The following SLC4A10 variants were observed in gnomAD, a reference collection of about 807,000 sequenced individuals.
SLC4A10 encodes solute carrier family 4 member 10.
Under a neutral mutation model 137.7 loss-of-function variants are expected in SLC4A10, and 42 were observed. The observed-to-expected ratio is 0.30, with a 90% CI of 0.24 to 0.39. SLC4A10 has a LOEUF of 0.39. Ranked by LOEUF, SLC4A10 falls within the 10% of genes least tolerant of loss-of-function variation. The pLI is 1.00. For synonymous variants in SLC4A10, 474 were observed against 464.1 expected (o/e 1.02, Z -0.27); for missense variants, 925 against 1,355.0 (o/e 0.68, Z 4.98).
At chr2:161,917,096 G>A (rs536133645) in intron 15 of SLC4A10, among the ~76,000 whole-genome samples, 3 of 152,010 alleles carry the variant, frequency 2.0e-5, no homozygotes, top group African/African-American at 4.8e-5. Flanking sequence ...CTAAAGTTTT[G>A]CCTTTCCTAG....
At chr2:161,656,345 A>T (rs1377117531) in intron 1 of SLC4A10, among the ~76,000 whole-genome samples, 8 of 152,234 alleles carry the variant, frequency 5.3e-5, no homozygotes, top group Admixed American at 5.2e-4. Context: ...AGCTGTTTCA[A>T]CATATTACTA....
chr2:161,746,519 G>A (rs1288452704), intron 1 of SLC4A10, among the ~76,000 whole-genome samples: 1 of 151,862 alleles, frequency 6.6e-6, no homozygotes, highest in Non-Finnish European at 1.5e-5. Flanking sequence ...GTGTTGAAAT[G>A]TCCTCTAGGA....
At chr2:161,964,062 A>G (rs1467690172) in intron 21 of SLC4A10, 73 bp from the exon 22 acceptor site, 3 of 1,365,654 alleles carry the variant, frequency 2.2e-6, no homozygotes, top group Middle Eastern at 1.8e-4. Flanking sequence ...TGTGGACCAT[A>G]TTAAACATCA....
chr2:161,965,900 C>A (rs1199890000), intron 23 of SLC4A10, among the ~76,000 whole-genome samples: 1 of 151,990 alleles, frequency 6.6e-6, no homozygotes, highest in Non-Finnish European at 1.5e-5. Context: ...GGAAAAATAA[C>A]TAGCGTAACA....
intron 1 of SLC4A10, among the ~76,000 whole-genome samples, chr2:161,645,216 G>A (rs553317378): frequency 9.3e-5 from 6 of 64,408 alleles, no homozygotes; most frequent in South Asian, 1.3e-3. Context: ...GAAGCAATTC[G>A]GGAATTTCCA....
At chr2:161,879,355 T>G (rs2061621151) in intron 9 of SLC4A10, 67 bp downstream of exon 9, 1 of 1,432,476 alleles carries the variant, frequency 7.0e-7, no homozygotes, top group Non-Finnish European at 9.4e-7. Flanking sequence ...AAAATGAGGA[T>G]TCAATGTAAT....
chr2:161,901,135 A>G (rs1683021362), intron 12 of SLC4A10, 124 bp downstream of exon 12: 1 of 728,560 alleles, frequency 1.4e-6, no homozygotes, highest in South Asian at 1.6e-5. Flanking sequence ...TTGAGGGTGA[A>G]AATGCCAATT....
At chr2:161,658,312 A>G (rs2063803) in intron 1 of SLC4A10, among the ~76,000 whole-genome samples, 132,607 of 152,202 alleles carry the variant, frequency 0.87, 58,387 homozygotes, top group East Asian at 1. Flanking sequence ...TAAAACATTT[A>G]AGATAAAACA....
intron 1 of SLC4A10, among the ~76,000 whole-genome samples, chr2:161,643,500 T>C (rs911625535): frequency 6.6e-6 from 1 of 152,128 alleles, no homozygotes; most frequent in African/African-American, 2.4e-5. Context: ...CATATATACT[T>C]TTGATGAAAA....
chr2:161,734,753 T>C lies in SLC4A10; in HGVS notation c.49-36220T>C, dbSNP rs551532263. On this transcript the variant is annotated intron_variant, in intron 1 of 26. Transcript: ENST00000446997. ...ATATACTCTGTATATATATTTTTTT[T>C]CTGATATTTGGTAGTTTTAATTACA... Among the ~76,000 whole-genome samples, 32 of 151,898 alleles carry C rather than the reference T, an allele frequency of 2.1e-4. No homozygotes were observed. In the South Asian group the frequency reaches 6.2e-3, roughly 30 times the overall value.
At chr2:161,721,218 G>A (rs1434172588) in intron 1 of SLC4A10, among the ~76,000 whole-genome samples, 1 of 152,162 alleles carries the variant, frequency 6.6e-6, no homozygotes, top group Non-Finnish European at 1.5e-5. Flanking sequence ...ATTTGATCCT[G>A]TCATCATGAT....
chr2:161,833,025 G>A (rs1021973225), intron 3 of SLC4A10, among the ~76,000 whole-genome samples: 1 of 152,208 alleles, frequency 6.6e-6, no homozygotes, highest in African/African-American at 2.4e-5. Flanking sequence ...GATTACAGGC[G>A]TGCGCCACCG....
At chr2:161,656,434 T>C (rs1278460034) in intron 1 of SLC4A10, among the ~76,000 whole-genome samples, 1 of 152,160 alleles carries the variant, frequency 6.6e-6, no homozygotes, top group African/African-American at 2.4e-5. Context: ...AAATTAAAAA[T>C]ATTCACACAC....
At chr2:161,781,078 G>A (rs1274602008) in intron 2 of SLC4A10, among the ~76,000 whole-genome samples, 1 of 152,048 alleles carries the variant, frequency 6.6e-6, no homozygotes, top group Non-Finnish European at 1.5e-5. Flanking sequence ...CAGGAACATA[G>A]CTACACAGGT....
chr2:161,793,776 A>G (rs2054465104), intron 2 of SLC4A10, among the ~76,000 whole-genome samples: 1 of 152,142 alleles, frequency 6.6e-6, no homozygotes, highest in Non-Finnish European at 1.5e-5. Flanking sequence ...GCCACTTTCA[A>G]ACTGCTTCTA....
chr2:161,966,343 T>C (rs576725217), intron 23 of SLC4A10, among the ~76,000 whole-genome samples: 1 of 152,358 alleles, frequency 6.6e-6, no homozygotes, highest in South Asian at 2.1e-4. Flanking sequence ...AGGCAATACT[T>C]AGACTCATAC....
At chr2:161,964,509 A>G (rs1462492011) in intron 22 of SLC4A10, among the ~76,000 whole-genome samples, 3 of 152,180 alleles carry the variant, frequency 2.0e-5, no homozygotes, top group African/African-American at 4.8e-5. Flanking sequence ...TTTTGTCTCT[A>G]TCACTCTGAA....
At chr2:161,979,073 G>A (rs1699836748) in intron 26 of SLC4A10, among the ~76,000 whole-genome samples, 1 of 152,160 alleles carries the variant, frequency 6.6e-6, no homozygotes, top group African/African-American at 2.4e-5. Flanking sequence ...TTTAGAAAAT[G>A]TTAAATCCAG....
intron 3 of SLC4A10, among the ~76,000 whole-genome samples, chr2:161,809,782 A>G (rs752755446): frequency 2.6e-5 from 4 of 151,938 alleles, no homozygotes; most frequent in Admixed American, 6.6e-5. Flanking sequence ...TAATGTAGCC[A>G]TAGAGTACAG....
Sources: gnomAD v4.1 joint callset for allele counts (sites outside exome capture counted in the v4.1 genomes callset) on GRCh38, gnomAD v4.1.1 for gene constraint, MANE v1.5 for transcripts, NCBI Gene and HGNC (gene_info 2026-07-23, HGNC 2026-07-21) for gene names.